XIAP: variants seen among roughly 807,000 people sequenced by gnomAD.
The protein encoded by XIAP is X-linked inhibitor of apoptosis.
XIAP carries 3 observed loss-of-function variants against 33.1 expected under a neutral mutation model. The observed-to-expected ratio is 0.09, with a 90% CI of 0.04 to 0.23. The LOEUF is 0.23. Ranked by LOEUF, XIAP falls within the 10% of genes least tolerant of loss-of-function variation. XIAP has a pLI of 1.00. For synonymous variants in XIAP, 98 were observed against 121.3 expected, an observed-to-expected ratio of 0.81 and a Z score of 1.26; for missense variants, 264 against 363.0, an observed-to-expected ratio of 0.73 and a Z score of 2.22.
rs41312612 is a variant in XIAP at position 123,908,479 on chromosome X, G to C, written c.*1298G>C. ...TCAGCTTATGTAGGTAAAAGTAGAA[G>C]CATGTTTGTACACTGCTTGTAGTTA... On this transcript the variant is annotated 3_prime_UTR_variant, in exon 7 of 7. Transcript: ENST00000371199. The C allele has an allele frequency of 1.3e-3, 468 of 371,846 alleles. 2 individuals carry two copies. The highest frequency in any genetic ancestry group is 1.3e-3 in the Non-Finnish European group (256 of 196,874). The allele number at this position is 371,846 out of a possible 1,213,427, so 30.6% of individuals were successfully genotyped here.
rs1452620880 is a variant in XIAP, at chrX:123,909,535, A to T, written c.*2354A>T. On this transcript the variant is annotated 3_prime_UTR_variant, in exon 7 of 7. Coordinates refer to ENST00000371199, the MANE Select transcript of XIAP (RefSeq NM_001167.4). The stretch of plus-strand genomic sequence containing the variant: ...AGGGGAGAAAAGTGTTAAAATTTTT[A>T]AAATATGTTTTCCAGGACACTTCAC... The T allele has an allele frequency of 6.1e-6, 2 of 327,323 alleles. No homozygotes were observed. The highest frequency in any genetic ancestry group is 5.9e-6 in the Non-Finnish European group (1 of 169,565). 27.0% of individuals were successfully genotyped at this position (327,323 alleles called of 1,213,427 possible).
intron 1 of XIAP, among the ~76,000 whole-genome samples, chrX:123,869,793 ATTATG>A (rs1045660757): frequency 2.7e-5 from 3 of 111,996 alleles, no homozygotes; most frequent in Non-Finnish European, 5.6e-5. Flanking sequence ...CCTATGATAT[ATTATG>A]TAGGTTAAAT....
intron 1 of XIAP, chrX:123,874,478 A>G (rs988598420): frequency 8.1e-5 from 9 of 111,165 alleles, no homozygotes; most frequent in African/African-American, 1.6e-4. Flanking sequence ...TTGGCAGTAC[A>G]TATACTAAAA....
intron 1 of XIAP, chrX:123,860,511 G>T (rs904220374): frequency 2.0e-5 from 5 of 255,076 alleles, no homozygotes; most frequent in African/African-American, 1.4e-4. Context: ...CTTCAGGCCT[G>T]CAGGATTGCC....
chrX:123,870,012 T>G (rs1008480335), intron 1 of XIAP, among the ~76,000 whole-genome samples: 3 of 112,291 alleles, frequency 2.7e-5, no homozygotes, highest in Admixed American at 9.4e-5. Flanking sequence ...CAGGCTGGAG[T>G]GCAGTGGCGC....
intron 1 of XIAP, among the ~76,000 whole-genome samples, chrX:123,873,657 G>A (rs922045591): frequency 5.4e-5 from 6 of 110,115 alleles, no homozygotes; most frequent in Non-Finnish European, 1.9e-5. Flanking sequence ...GCGTCGTGGC[G>A]GCACACACCT....
chrX:123,869,400 TG>T (rs1196482224), intron 1 of XIAP, among the ~76,000 whole-genome samples: 3 of 80,666 alleles, frequency 3.7e-5, no homozygotes, highest in Non-Finnish European at 7.5e-5. Context: ...GTCATGCCTC[TG>T]CAATCCCAGC....
chrX:123,871,650 T>G (rs2053194326), intron 1 of XIAP, among the ~76,000 whole-genome samples: 1 of 110,651 alleles, frequency 9.0e-6, no homozygotes, highest in African/African-American at 3.3e-5. Context: ...CTTAGTTTTT[T>G]GGGGTTTTTT....
At position 123,908,438 on chromosome X, in the gene XIAP, G is replaced by A; in HGVS notation, c.*1257G>A. 1 of 376,306 alleles carries A rather than the reference G, an allele frequency of 2.7e-6. No homozygotes were observed. The highest frequency in any genetic ancestry group is 5.0e-6 in the Non-Finnish European group (1 of 198,630). The allele number at this position is 376,306 out of a possible 1,213,427, so 31.0% of individuals were successfully genotyped here. The stretch of plus-strand genomic sequence containing the variant: ...TTACTAAAAGATCTTTGTTAACTCA[G>A]TATTTTAAACATCTGTCAGCTTATG... On this transcript the variant is annotated 3_prime_UTR_variant, in exon 7 of 7. Coordinates refer to ENST00000371199, the MANE Select transcript of XIAP (RefSeq NM_001167.4).
intron 5 of XIAP, among the ~76,000 whole-genome samples, chrX:123,894,827 C>G (rs1218351901): frequency 1.8e-5 from 2 of 109,418 alleles, no homozygotes; most frequent in Non-Finnish European, 1.9e-5. Flanking sequence ...ACCTATAGTT[C>G]CAGCTACTTG....
chrX:123,863,416 A>C (rs1223446815), intron 1 of XIAP, among the ~76,000 whole-genome samples: 5 of 111,129 alleles, frequency 4.5e-5, no homozygotes, highest in Non-Finnish European at 7.6e-5. Flanking sequence ...GCAACATTCA[A>C]CTCCAGCCTG....
intron 1 of XIAP, among the ~76,000 whole-genome samples, chrX:123,864,982 G>A (rs1409546285): frequency 1.3e-5 from 1 of 75,654 alleles, no homozygotes; most frequent in Non-Finnish European, 2.4e-5. Context: ...ACACCAGGCC[G>A]CCTTTCTTCT....
intron 1 of XIAP, among the ~76,000 whole-genome samples, chrX:123,865,862 C>T (rs780619945): frequency 1.8e-5 from 2 of 111,414 alleles, no homozygotes; most frequent in Non-Finnish European, 3.8e-5. Flanking sequence ...TCAAGTAATT[C>T]TGGTGACTCA....
At chrX:123,881,018 CT>C (rs1400793890) in intron 1 of XIAP, among the ~76,000 whole-genome samples, 3 of 110,985 alleles carry the variant, frequency 2.7e-5, no homozygotes, top group African/African-American at 3.3e-5. Context: ...CTTGCTGGTC[CT>C]TTTTGTCCCA....
Position 123,885,667 on chromosome X carries a change from CTT to C in XIAP, c.8_9del (p.Phe3Ter). On this transcript the variant is annotated frameshift_variant, in exon 2 of 7. Transcript: ENST00000371199. LOFTEE classifies it high-confidence loss of function. Reference sequence around the variant, plus strand: ...AAGTCCTATTTTCAAGAGAAGATGACTTTTAACAGTTTTGAAGGATCTAAAAC... The same window carrying C: ...AAGTCCTATTTTCAAGAGAAGATGACTTAACAGTTTTGAAGGATCTAAAAC... The C allele has an allele frequency of 8.3e-7, 1 of 1,209,866 alleles. No individual in the cohort carries two copies. Among genetic ancestry groups the C allele is most frequent in the Non-Finnish European group, 1.1e-6 (1 of 894,778 alleles).
intron 1 of XIAP, among the ~76,000 whole-genome samples, chrX:123,879,750 A>G (rs1324468991): frequency 8.9e-6 from 1 of 112,060 alleles, no homozygotes; most frequent in Non-Finnish European, 1.9e-5. Flanking sequence ...ATACATTTTC[A>G]TACAGTGGTA....
chrX:123,867,061 A>T (rs1296404623), intron 1 of XIAP, among the ~76,000 whole-genome samples: 1 of 45,235 alleles, frequency 2.2e-5, no homozygotes, highest in East Asian at 7.0e-4. Flanking sequence ...TCAACATTCT[A>T]TAGTTAACAT....
intron 5 of XIAP, among the ~76,000 whole-genome samples, chrX:123,898,352 TTTTG>T (rs1370432055): frequency 9.0e-6 from 1 of 111,121 alleles, no homozygotes; most frequent in African/African-American, 3.3e-5. Context: ...GTTTGTTTGT[TTTTG>T]TTTGTTTTGT....
chrX:123,865,453 C>T (rs772818178), intron 1 of XIAP, among the ~76,000 whole-genome samples: 3 of 110,044 alleles, frequency 2.7e-5, no homozygotes, highest in Admixed American at 9.8e-5. Context: ...TAAGGCCGGG[C>T]GTGGTGGCTC....
Sources: allele counts gnomAD v4.1 joint callset (sites outside exome capture counted in the v4.1 genomes callset), GRCh38; gene constraint gnomAD v4.1.1; transcripts MANE v1.5; gene names NCBI Gene and HGNC (gene_info 2026-07-23, HGNC 2026-07-21).